The following TF variants were observed in gnomAD, a reference collection of about 807,000 sequenced individuals.
TF encodes the protein transferrin, also known as serotransferrin.
Under a neutral mutation model 82.4 loss-of-function variants are expected in TF, and 55 were observed. The ratio of observed to expected loss-of-function variants is 0.67; its 90% CI spans 0.54 to 0.84. The LOEUF (loss-of-function observed/expected upper bound fraction) is 0.84. TF is among the 40% of genes least tolerant of loss of function. The probability of loss-of-function intolerance (pLI) is 0.00; values close to 1 mark genes in which losing one functional copy is unlikely to be tolerated. For synonymous variants in TF, 332 were observed against 332.6 expected, an observed-to-expected ratio of 1.00 and a Z score of 0.02; for missense variants, 737 against 868.4, an observed-to-expected ratio of 0.85 and a Z score of 1.90.
At chr3:133,730,105 T>C in the TF span, among the ~76,000 whole-genome samples, 1 of 152,214 alleles carries the variant, frequency 6.6e-6, no homozygotes, top group East Asian at 1.9e-4. Flanking sequence ...GTTCCTCATC[T>C]ACCCAGTGAG....
rs1224246575 is a variant in TF at position 133,766,368 on chromosome 3, G to T, written c.1421G>T (p.Gly474Val). 2 of 1,614,098 alleles carry T rather than the reference G, an allele frequency of 1.2e-6. No individual in the cohort carries two copies. The highest frequency in any genetic ancestry group is 2.7e-5 in the African/African-American group (2 of 74,940). ...KGKKSCHTAVGRTAGWNIPMG... is the reference protein window; with the variant it reads ...KGKKSCHTAVVRTAGWNIPMG... ...AAGAAGTCCTGCCATACGGCAGTTG[G>T]CAGAACCGCTGGCTGGAACATCCCC... Residue 474 changes from glycine to valine, a missense_variant, in exon 12 of 17, where the codon GGC becomes GTC. Physicochemically the swap from Gly to Val is moderately radical, Grantham distance 109. Coordinates refer to ENST00000402696, the MANE Select transcript of TF (RefSeq NM_001063.4).
chr3:133,742,329 T>G (rs1160553959), upstream of TF, among the ~76,000 whole-genome samples: 1 of 152,208 alleles, frequency 6.6e-6, no homozygotes, highest in Non-Finnish European at 1.5e-5. Flanking sequence ...GGCCCTGGAC[T>G]ATTCTTCATG....
the TF span, among the ~76,000 whole-genome samples, chr3:133,738,394 A>C: frequency 1.3e-5 from 2 of 152,224 alleles, no homozygotes; most frequent in African/African-American, 4.8e-5. Context: ...TCCCTTTGAA[A>C]ACCGGCACAA....
At chr3:133,744,609 G>T (rs528166710), upstream of TF, among the ~76,000 whole-genome samples, 3 of 152,310 alleles carry the variant, frequency 2.0e-5, no homozygotes, top group East Asian at 5.8e-4. Context: ...AGCACAAGGG[G>T]CCCGTGGACG....
chr3:133,687,971 G>A, the TF span, among the ~76,000 whole-genome samples: 2 of 152,038 alleles, frequency 1.3e-5, no homozygotes, highest in Admixed American at 6.5e-5. Flanking sequence ...TGTACTATAT[G>A]CTAATTCTGT....
At chr3:133,742,103 C>G (rs371470881), upstream of TF, among the ~76,000 whole-genome samples, 5 of 152,154 alleles carry the variant, frequency 3.3e-5, no homozygotes, top group African/African-American at 9.7e-5. Flanking sequence ...CTTACCTTAG[C>G]CTCTTGGGTA....
chr3:133,698,958 T>C, the TF span, among the ~76,000 whole-genome samples: 3 of 152,222 alleles, frequency 2.0e-5, no homozygotes, highest in African/African-American at 7.2e-5. Flanking sequence ...TCAAAGGGAA[T>C]GTGGCCCCTT....
the TF span, among the ~76,000 whole-genome samples, chr3:133,664,459 G>A: frequency 2.2e-4 from 33 of 152,114 alleles, 1 homozygote; most frequent in African/African-American, 6.0e-4. Flanking sequence ...AGTAGCTGGG[G>A]TTACAGGCGT....
the TF span, among the ~76,000 whole-genome samples, chr3:133,733,674 G>C: frequency 1.3e-5 from 2 of 152,192 alleles, no homozygotes; most frequent in Non-Finnish European, 2.9e-5. Context: ...ACTGAGTTAA[G>C]GAGAAGGAGC....
chr3:133,735,114 G>A, the TF span, among the ~76,000 whole-genome samples: 1 of 152,052 alleles, frequency 6.6e-6, no homozygotes, highest in East Asian at 1.9e-4. Context: ...ATGCTGAGGC[G>A]GGTGGATCAC....
chr3:133,695,482 G>A, the TF span, among the ~76,000 whole-genome samples: 3 of 152,144 alleles, frequency 2.0e-5, no homozygotes, highest in Middle Eastern at 3.4e-3. Flanking sequence ...TCTTGACCTC[G>A]TGATCCACCC....
At chr3:133,755,173 CCAGA>C (rs1304088003) in intron 4 of TF, among the ~76,000 whole-genome samples, 186 bp from the exon 5 acceptor site, 3 of 152,202 alleles carry the variant, frequency 2.0e-5, no homozygotes, top group Non-Finnish European at 2.9e-5. Flanking sequence ...TGGATGGTGG[CCAGA>C]CAGAGGTCAA....
the TF span, among the ~76,000 whole-genome samples, chr3:133,678,844 C>A: frequency 1.4e-5 from 2 of 142,974 alleles, no homozygotes; most frequent in Non-Finnish European, 3.0e-5. Context: ...TCCTTTGGCC[C>A]AGCTATTTTT....
upstream of TF, among the ~76,000 whole-genome samples, chr3:133,743,273 A>G (rs1933427605): frequency 6.6e-6 from 1 of 152,200 alleles, no homozygotes; most frequent in Non-Finnish European, 1.5e-5. Flanking sequence ...TAAAAACATG[A>G]TATTTTCTTC....
rs2107952245 is a variant in TF, at chr3:133,790,481, A to G, written c.*11861A>G. On this transcript the variant is annotated 3_prime_UTR_variant, in exon 17 of 17. Coordinates refer to ENST00000402696, the MANE Select transcript of TF (RefSeq NM_001063.4). ...ATTTGAAAAGGTTACTTATGAAACAATGTAGTAAGGAACCAGTAAGTAGAG... is the reference window on the plus strand; with the variant it reads ...ATTTGAAAAGGTTACTTATGAAACAGTGTAGTAAGGAACCAGTAAGTAGAG... 1 of 152,354 alleles carries G rather than the reference A, an allele frequency of 6.6e-6. No individual in the cohort carries two copies. Among genetic ancestry groups the G allele is most frequent in the Admixed American group, 6.5e-5 (1 of 15,310 alleles). 9.4% of individuals were successfully genotyped at this position (152,354 alleles called of 1,614,324 possible). A position where few individuals can be genotyped will look rare whatever the true frequency, so the allele number is the denominator to read the frequency against.
Position 133,753,669 on chromosome 3 carries a change from G to T in TF, c.291G>T (p.Lys97Asn). Reference protein sequence around the residue: ...YDAYLAPNNLKPVVAEFYGSK... With the variant: ...YDAYLAPNNLNPVVAEFYGSK... ...CTTACCTGGCTCCCAATAACCTGAA[G>T]CCTGTGGTGGCAGAGTTCTATGGGT... is the stretch of plus-strand genomic sequence containing the variant. Residue 97 changes from lysine to asparagine, a missense_variant, in exon 3 of 17, where the codon AAG (lysine) becomes AAT (asparagine). Coordinates refer to ENST00000402696, the MANE Select transcript of TF (RefSeq NM_001063.4). 6.2e-7 allele frequency: 1 copy of T among 1,614,220 alleles called. No homozygotes were observed. The highest frequency in any genetic ancestry group is 1.3e-5 in the African/African-American group (1 of 75,070).
the TF span, among the ~76,000 whole-genome samples, chr3:133,726,334 A>C: frequency 1.3e-5 from 2 of 152,114 alleles, no homozygotes; most frequent in African/African-American, 2.4e-5. Flanking sequence ...ACAATTTCAG[A>C]GCCTGTTATT....
chr3:133,778,676 A>G lies in TF; in HGVS notation c.*56A>G. 1 of 1,601,626 alleles carries G rather than the reference A, an allele frequency of 6.2e-7. No individual in the cohort carries two copies. Among genetic ancestry groups the G allele is most frequent in the Non-Finnish European group, 8.5e-7 (1 of 1,171,148 alleles). Reference sequence around the variant, plus strand: ...AAGATGGGAACGCAGATGATCCATGAGTTTGCCCTGGTTTCACTGGCCCAA... The same window carrying G: ...AAGATGGGAACGCAGATGATCCATGGGTTTGCCCTGGTTTCACTGGCCCAA... On this transcript the variant is annotated 3_prime_UTR_variant, in exon 17 of 17. Coordinates refer to ENST00000402696, the MANE Select transcript of TF (RefSeq NM_001063.4).
chr3:133,703,528 T>C, the TF span, among the ~76,000 whole-genome samples: 1 of 152,308 alleles, frequency 6.6e-6, no homozygotes, highest in East Asian at 1.9e-4. Context: ...GAGGAATATA[T>C]GAGGTAATCA....
Sources: allele counts gnomAD v4.1 joint callset (sites outside exome capture counted in the v4.1 genomes callset), GRCh38; gene constraint gnomAD v4.1.1; transcripts MANE v1.5; gene names NCBI Gene and HGNC (gene_info 2026-07-23, HGNC 2026-07-21).